The following CCDC15 variants were observed in gnomAD, a reference collection of about 807,000 sequenced individuals.
CCDC15 encodes the protein coiled-coil domain-containing protein 15.
In CCDC15, 105 loss-of-function variants were observed where a neutral mutation model predicts 114.5. That is an observed-to-expected ratio of 0.92 (90% CI 0.78 to 1.08). The LOEUF is 1.08. Among genes scored for constraint, CCDC15 ranks in the 50% least tolerant of loss-of-function variants. The pLI, the probability that CCDC15 is intolerant of heterozygous loss-of-function variation, is 0.00. For synonymous variants in CCDC15, 334 were observed against 377.8 expected, an observed-to-expected ratio of 0.88 and a Z score of 1.34; for missense variants, 1,105 against 1,093.6, an observed-to-expected ratio of 1.01 and a Z score of -0.15.
intron 11 of CCDC15, among the ~76,000 whole-genome samples, chr11:124,996,428 G>T (rs1053456586): frequency 2.0e-5 from 3 of 152,144 alleles, no homozygotes; most frequent in Non-Finnish European, 4.4e-5. Flanking sequence ...AGCCCCACCA[G>T]CTAATTCTCT....
At chr11:124,982,249 C>A (rs929364464) in intron 6 of CCDC15, among the ~76,000 whole-genome samples, 18 of 152,148 alleles carry the variant, frequency 1.2e-4, no homozygotes, top group Admixed American at 2.6e-4. Flanking sequence ...ACCCAACTTG[C>A]CACTCTGTGC....
intron 7 of CCDC15, 104 bp from the exon 8 acceptor site, chr11:124,987,023 A>G: frequency 1.5e-6 from 2 of 1,367,020 alleles, no homozygotes; most frequent in Non-Finnish European, 1.9e-6. Flanking sequence ...TGTTCTAGTA[A>G]TTTGCTTCAC....
intron 13 of CCDC15, among the ~76,000 whole-genome samples, chr11:125,023,500 TTCTC>T (rs1192062822): frequency 2.0e-5 from 3 of 152,112 alleles, no homozygotes; most frequent in Admixed American, 2.0e-4. Flanking sequence ...AAATTAACAT[TTCTC>T]TCAGGAAAAT....
intron 13 of CCDC15, among the ~76,000 whole-genome samples, chr11:125,005,709 A>G (rs1276303929): frequency 2.0e-5 from 3 of 151,942 alleles, no homozygotes; most frequent in South Asian, 2.1e-4. Context: ...TGCTCTGCCT[A>G]TTCCTCCCTC....
At chr11:125,039,682 C>T (rs1358579235) in intron 15 of CCDC15, 1 of 152,122 alleles carries the variant, frequency 6.6e-6, no homozygotes, top group African/African-American at 2.4e-5. Flanking sequence ...CTGTATAATA[C>T]AAGTTTCTTA....
At chr11:124,983,615 G>A (rs2135475211) in intron 6 of CCDC15, among the ~76,000 whole-genome samples, 1 of 152,236 alleles carries the variant, frequency 6.6e-6, no homozygotes, top group South Asian at 2.1e-4. Context: ...CCCTGGCTTT[G>A]TTCTCTGGCC....
At chr11:124,970,902 T>C (rs1168426797) in intron 4 of CCDC15, among the ~76,000 whole-genome samples, 45 of 152,238 alleles carry the variant, frequency 3.0e-4, no homozygotes, top group Non-Finnish European at 1.5e-5. Context: ...ATTTTCGTTT[T>C]GTTACAAAGA....
At position 124,968,737 on chromosome 11, in the gene CCDC15, C is replaced by T. The variant is rs533383301; in HGVS notation, c.517-6359C>T. ...GCAGAAATCTACCTGTCTTCTGCGT[C>T]GATCACGCTGGGAGCTGCAGACCGG... On this transcript the variant is annotated intron_variant, in intron 4 of 15. Coordinates refer to ENST00000344762, the MANE Select transcript of CCDC15 (RefSeq NM_025004.3). Among the ~76,000 whole-genome samples the T allele has an allele frequency of 1.3e-3, 197 of 152,264 alleles. 1 individual carries two copies. The highest frequency in any genetic ancestry group is 4.5e-3 in the African/African-American group (186 of 41,558).
In CCDC15 at chr11:125,033,054, G is replaced by A. The variant is rs149754201; in HGVS notation, c.2412-5377G>A. 8.9e-4 allele frequency among the ~76,000 whole-genome samples: 136 copies of A among 152,288 alleles called. 1 individual carries two copies. The East Asian group carries it at 0.025, about 28-fold the overall frequency. On this transcript the variant is annotated intron_variant, in intron 13 of 15. Transcript: ENST00000344762. Reference sequence around the variant, plus strand: ...TAGCATAAATTGTTGGTAGTATAGTGGGGTCCTTCCTCAAGGGGAGCAGAC... The same window carrying A: ...TAGCATAAATTGTTGGTAGTATAGTAGGGTCCTTCCTCAAGGGGAGCAGAC...
At chr11:124,967,703 A>G (rs945653658) in intron 4 of CCDC15, among the ~76,000 whole-genome samples, 6 of 152,150 alleles carry the variant, frequency 3.9e-5, no homozygotes, top group Non-Finnish European at 5.9e-5. Flanking sequence ...CCTTTGGAGG[A>G]GAAGAAGTGC....
intron 4 of CCDC15, among the ~76,000 whole-genome samples, chr11:124,961,801 C>T (rs1947663175): frequency 6.6e-6 from 1 of 152,076 alleles, no homozygotes; most frequent in Non-Finnish European, 1.5e-5. Context: ...GCTGGGATTA[C>T]AGGTGTGAGC....
At chr11:124,989,073 A>G (rs1048451468) in intron 8 of CCDC15, among the ~76,000 whole-genome samples, 1 of 152,226 alleles carries the variant, frequency 6.6e-6, no homozygotes, top group Admixed American at 6.5e-5. Context: ...TACTTTGCCC[A>G]TATCTATCAG....
intron 5 of CCDC15, among the ~76,000 whole-genome samples, chr11:124,977,263 A>C (rs932406440): frequency 6.6e-6 from 1 of 152,160 alleles, no homozygotes; most frequent in Non-Finnish European, 1.5e-5. Context: ...TCATTTATAA[A>C]GTTAATATAT....
chr11:125,025,745 A>G (rs776186365), intron 13 of CCDC15, among the ~76,000 whole-genome samples: 3 of 152,064 alleles, frequency 2.0e-5, no homozygotes, highest in Non-Finnish European at 4.4e-5. Flanking sequence ...GAACTTTATT[A>G]ATGGCATAAA....
chr11:124,961,626 T>G (rs537332054), intron 4 of CCDC15, among the ~76,000 whole-genome samples: 55 of 152,224 alleles, frequency 3.6e-4, no homozygotes, highest in African/African-American at 1.2e-3. Flanking sequence ...TTCAAGAGAA[T>G]CTCCTGATTC....
At chr11:124,976,272 G>T (rs948325365) in intron 5 of CCDC15, among the ~76,000 whole-genome samples, 1 of 148,964 alleles carries the variant, frequency 6.7e-6, no homozygotes, top group Non-Finnish European at 1.5e-5. Context: ...TCCATATCTT[G>T]ACCCAACCAT....
Position 125,040,595 on chromosome 11 carries a change from AC to A in CCDC15, c.2741del (p.Thr914IlefsTer35). On this transcript the variant is annotated frameshift_variant, in exon 16 of 16. Coordinates refer to ENST00000344762, the MANE Select transcript of CCDC15 (RefSeq NM_025004.3). LOFTEE classifies it high-confidence loss of function. ...GTGCAAACCTTTTTTTGCAGCATAT[AC>A]TCGGGCACTACATTCATTCATCAAT... ...CIFYKNHRAYTRALHSFINSC... is the reference protein window; with the variant it reads ...CIFYKNHRAYXRALHSFINSC... 1 of 1,607,808 alleles carries A rather than the reference AC, an allele frequency of 6.2e-7. No individual in the cohort carries two copies. Among genetic ancestry groups the A allele is most frequent in the Non-Finnish European group, 8.5e-7 (1 of 1,176,730 alleles).
At chr11:125,023,492 A>G (rs947093736) in intron 13 of CCDC15, among the ~76,000 whole-genome samples, 11 of 152,072 alleles carry the variant, frequency 7.2e-5, no homozygotes, top group African/African-American at 2.7e-4. Context: ...AAGGATTTAA[A>G]TTAACATTTC....
In CCDC15 at chr11:124,987,925, C is replaced by T. The variant is rs985026637; in HGVS notation, c.1699C>T (p.Gln567Ter). ...CQDQDFLPRD[Q>*]GVLPKDQNIL... ...GGACCAGGATTTTCTACCCAGAGAC[C>T]AAGGTGTTCTTCCCAAAGACCAAAA... Residue 567 changes from glutamine (Q) to a stop codon, truncating the protein, a stop_gained, in exon 8 of 16, where the codon CAA becomes TAA. Coordinates refer to ENST00000344762, the MANE Select transcript of CCDC15 (RefSeq NM_025004.3). LOFTEE classifies it high-confidence loss of function. The T allele has an allele frequency of 1.2e-6, 2 of 1,613,998 alleles. No homozygotes were observed. The highest frequency in any genetic ancestry group is 1.7e-6 in the Non-Finnish European group (2 of 1,179,882).
Sources: gnomAD v4.1 joint callset for allele counts (sites outside exome capture counted in the v4.1 genomes callset) on GRCh38, gnomAD v4.1.1 for gene constraint, MANE v1.5 for transcripts, NCBI Gene and HGNC (gene_info 2026-07-23, HGNC 2026-07-21) for gene names.